Variants in ALAD observed in about 807,000 individuals in gnomAD.
ALAD encodes aminolevulinate dehydratase.
ALAD carries 20 observed loss-of-function variants against 44.4 expected under a neutral mutation model. The ratio of observed to expected loss-of-function variants is 0.45; its 90% CI spans 0.32 to 0.65. The LOEUF (loss-of-function observed/expected upper bound fraction) is 0.65. Among genes scored for constraint, ALAD ranks in the 30% least tolerant of loss-of-function variants. ALAD has a pLI of 0.05. For missense variants in ALAD, 323 were observed against 445.7 expected, an observed-to-expected ratio of 0.72 and a Z score of 2.48; for synonymous variants, 156 against 167.9, an observed-to-expected ratio of 0.93 and a Z score of 0.55.
At chr9:113,392,098 C>G in intron 3 of ALAD, 21 bp downstream of exon 3, 2 of 1,598,096 alleles carry the variant, frequency 1.3e-6, no homozygotes. Context: ...CCCGCTGGCC[C>G]CCCAACTCCA....
chr9:113,392,720 T>A (rs1237752234), intron 2 of ALAD, among the ~76,000 whole-genome samples: 3 of 152,052 alleles, frequency 2.0e-5, no homozygotes, highest in Admixed American at 2.0e-4. Flanking sequence ...CAGAATTGAA[T>A]GAGATAATGT....
intron 1 of ALAD, among the ~76,000 whole-genome samples, chr9:113,395,100 G>A (rs1827691002): frequency 6.6e-6 from 1 of 152,062 alleles, no homozygotes. Flanking sequence ...TTGGGACATG[G>A]ATTTTTTGTT....
intron 1 of ALAD, among the ~76,000 whole-genome samples, chr9:113,400,697 C>T (rs144878835): frequency 1.3e-5 from 2 of 152,132 alleles, no homozygotes; most frequent in African/African-American, 4.8e-5. Flanking sequence ...TGGCACACGC[C>T]TGTAATCCCA....
intron 1 of ALAD, among the ~76,000 whole-genome samples, chr9:113,400,597 C>T (rs531916372): frequency 3.4e-4 from 51 of 151,836 alleles, no homozygotes; most frequent in African/African-American, 1.2e-3. Context: ...CCGAGGTGGG[C>T]GAATCACCTG....
intron 1 of ALAD, among the ~76,000 whole-genome samples, chr9:113,400,229 C>G (rs1330400223): frequency 6.6e-6 from 1 of 152,206 alleles, no homozygotes; most frequent in East Asian, 1.9e-4. Flanking sequence ...CGCAGTGGGT[C>G]AGCGGCAGAT....
intron 1 of ALAD, among the ~76,000 whole-genome samples, chr9:113,398,391 T>C (rs1292056996): frequency 6.6e-6 from 1 of 152,200 alleles, no homozygotes; most frequent in East Asian, 1.9e-4. Flanking sequence ...AATCCAAAGC[T>C]GCATTCCACT....
rs139710189 is a variant in ALAD at position 113,400,908 on chromosome 9, A to AC, written c.-76+303dup. On this transcript the variant is annotated intron_variant, in intron 1 of 11. Coordinates refer to ENST00000409155, the MANE Select transcript of ALAD (RefSeq NM_000031.6). ...CGGCTGTTATTGTTTTCACCTCCCTACCCCCCCACCAACCACCACCCGCAC... is the reference window on the plus strand; with the variant it reads ...CGGCTGTTATTGTTTTCACCTCCCTACCCCCCCCACCAACCACCACCCGCAC... Among the ~76,000 whole-genome samples the AC allele has an allele frequency of 4.4e-4, 67 of 151,422 alleles. 1 individual carries two copies. The East Asian group carries it at 0.011, about 24-fold the overall frequency.
Position 113,387,948 on chromosome 9 carries a change from C to A in ALAD, c.*352G>T. 1 of 370,886 alleles carries A rather than the reference C, an allele frequency of 2.7e-6. No homozygotes were observed. The highest frequency in any genetic ancestry group is 5.2e-6 in the Non-Finnish European group (1 of 192,038). 23.0% of individuals were successfully genotyped at this position (370,886 alleles called of 1,614,324 possible). ...AAGATCCCACTGCTCTCTTCTTCCC[C>A]TAATGCTCCAAGACCCTCTCCCAGC... On this transcript the variant is annotated 3_prime_UTR_variant, in exon 12 of 12. Transcript: ENST00000409155.
At position 113,390,862 on chromosome 9, in the gene ALAD, G is replaced by C. The variant is rs1827562114; in HGVS notation, c.333C>G (p.Thr111=). The change falls in exon 5 of 12, where the codon ACC becomes ACG. Residue 111 remains threonine, a synonymous_variant. Coordinates refer to ENST00000409155, the MANE Select transcript of ALAD (RefSeq NM_000031.6). ...AIEAIHLLRK[T]FPNLLVACDV... The stretch of plus-strand genomic sequence containing the variant: ...CACAGGCCACCAGGAGGTTGGGGAA[G>C]GTCTTCCTCAACAGATGGATTGCCT... 6.2e-7 allele frequency: 1 copy of C among 1,614,022 alleles called. No individual in the cohort carries two copies. The highest frequency in any genetic ancestry group is 1.1e-5 in the South Asian group (1 of 91,084).
chr9:113,400,089 C>T (rs1205754736), intron 1 of ALAD, among the ~76,000 whole-genome samples: 6 of 152,192 alleles, frequency 3.9e-5, no homozygotes, highest in Non-Finnish European at 7.3e-5. Flanking sequence ...GCCATTTAGA[C>T]GTAGGAGAAG....
intron 3 of ALAD, 96 bp downstream of exon 3, chr9:113,392,023 C>G: frequency 8.1e-7 from 1 of 1,235,672 alleles, no homozygotes; most frequent in Non-Finnish European, 1.2e-6. Context: ...CTGTCCGCAT[C>G]TTCTACTTCC....
Position 113,391,535 on chromosome 9 carries a change from C to T in ALAD, c.253G>A (p.Val85Ile). The change falls in exon 4 of 12, where the codon GTT becomes ATT. Residue 85 changes from valine to isoleucine, a missense_variant. Coordinates refer to ENST00000409155, the MANE Select transcript of ALAD (RefSeq NM_000031.6). The part of the protein sequence containing the change: ...CVLIFGVPSR[V>I]PKDERGSAAD... Reference sequence around the variant, plus strand: ...TTCCTTTGATTCTTCACCTTGGGAACTCTGCTGGGGACGCCAAAGATCAAG... The same window carrying T: ...TTCCTTTGATTCTTCACCTTGGGAATTCTGCTGGGGACGCCAAAGATCAAG... 6.2e-7 allele frequency: 1 copy of T among 1,614,044 alleles called. No individual in the cohort carries two copies. The highest frequency in any genetic ancestry group is 8.5e-7 in the Non-Finnish European group (1 of 1,179,946).
rs572971892 is a variant in ALAD, at chr9:113,399,812, A to T, written c.-76+1400T>A. The stretch of plus-strand genomic sequence containing the variant: ...CTTAGGACCTGCTGCCAGCCCTGGC[A>T]GGCTCTGCCACTGGCCAGGGAGGAG... On this transcript the variant is annotated intron_variant, in intron 1 of 11. Coordinates refer to ENST00000409155, the MANE Select transcript of ALAD (RefSeq NM_000031.6). Among the ~76,000 whole-genome samples the T allele has an allele frequency of 3.8e-3, 581 of 152,248 alleles. 7 individuals are homozygous for T. Among genetic ancestry groups the T allele is most frequent in the African/African-American group, 0.013 (543 of 41,554 alleles).
chr9:113,391,376 T>C (rs952726962), intron 4 of ALAD, 151 bp downstream of exon 4: 2 of 734,686 alleles, frequency 2.7e-6, no homozygotes, highest in African/African-American at 3.5e-5. Flanking sequence ...AGCTAACTTT[T>C]GTATTTTTTG....
Position 113,387,671 on chromosome 9 carries a change from A to G in ALAD, c.*629T>C, listed in dbSNP as rs1827436381. 4 of 161,802 alleles carry G rather than the reference A, an allele frequency of 2.5e-5. No individual in the cohort carries two copies. In the South Asian group the frequency reaches 6.7e-4, roughly 27 times the overall value. The allele number at this position is 161,802 out of a possible 1,614,324, so 10.0% of individuals were successfully genotyped here. A position where few individuals can be genotyped will look rare whatever the true frequency, so the allele number is the denominator to read the frequency against. ...TGTGGTGGTGGCACCTCTAGCAGTC[A>G]GGAACTCCCTCTTTGCCTCTGAGTT... On this transcript the variant is annotated 3_prime_UTR_variant, in exon 12 of 12. Transcript: ENST00000409155.
chr9:113,393,053 C>T (rs796198436), intron 2 of ALAD: 16 of 224,750 alleles, frequency 7.1e-5, no homozygotes, highest in African/African-American at 2.3e-4. Context: ...CTCCTGACCT[C>T]GTGATCCGCC....
At chr9:113,390,381 C>G (rs748035451) in intron 7 of ALAD, 24 bp downstream of exon 7, 12 of 1,610,970 alleles carry the variant, frequency 7.4e-6, no homozygotes, top group Non-Finnish European at 1.0e-5. Context: ...CCTGCCAGCC[C>G]TGTGCTGCAT....
Position 113,388,144 on chromosome 9 carries a change from G to A in ALAD, c.*156C>T, listed in dbSNP as rs1396807269. On this transcript the variant is annotated 3_prime_UTR_variant, in exon 12 of 12. Transcript: ENST00000409155. ...TGCGAGTTACAAGAGTTAGCATGCTGGCAAAACCACCCAGGGCTGCTGGGC... is the reference window on the plus strand; with the variant it reads ...TGCGAGTTACAAGAGTTAGCATGCTAGCAAAACCACCCAGGGCTGCTGGGC... The A allele has an allele frequency of 5.1e-6, 4 of 781,840 alleles. No individual in the cohort carries two copies. Among genetic ancestry groups the A allele is most frequent in the Admixed American group, 2.0e-5 (1 of 50,288 alleles). 48.4% of individuals were successfully genotyped at this position (781,840 alleles called of 1,614,324 possible).
chr9:113,388,487 A>G, intron 11 of ALAD, 126 bp from the exon 12 acceptor site: 1 of 860,732 alleles, frequency 1.2e-6, no homozygotes, highest in Non-Finnish European at 2.0e-6. Flanking sequence ...TGGGCACACC[A>G]CATGAGACGG....
Sources: gnomAD v4.1 joint callset for allele counts (sites outside exome capture counted in the v4.1 genomes callset) on GRCh38, gnomAD v4.1.1 for gene constraint, MANE v1.5 for transcripts, NCBI Gene and HGNC (gene_info 2026-07-23, HGNC 2026-07-21) for gene names.